The following CHRDL1 variants were observed in gnomAD, a reference collection of about 807,000 sequenced individuals.
The protein encoded by CHRDL1 is chordin-like protein 1.
CHRDL1 carries 19 observed loss-of-function variants against 40.9 expected under a neutral mutation model. That is an observed-to-expected ratio of 0.46 (90% CI 0.32 to 0.68). CHRDL1 has a LOEUF of 0.68. Ranked by LOEUF, CHRDL1 falls within the 30% of genes least tolerant of loss-of-function variation. The pLI, the probability that CHRDL1 is intolerant of heterozygous loss-of-function variation, is 0.03. For synonymous variants in CHRDL1, 136 were observed against 123.4 expected (o/e 1.10, Z -0.68); for missense variants, 329 against 352.1 (o/e 0.93, Z 0.53).
chrX:110,786,859 A>C (rs1319530369), intron 2 of CHRDL1, among the ~76,000 whole-genome samples: 1 of 112,280 alleles, frequency 8.9e-6, no homozygotes, highest in Non-Finnish European at 1.9e-5. Flanking sequence ...TTGGGTTAGA[A>C]AATTTTTATT....
intron 4 of CHRDL1, among the ~76,000 whole-genome samples, chrX:110,722,154 C>G (rs979635781): frequency 9.1e-6 from 1 of 110,257 alleles, no homozygotes; most frequent in South Asian, 4.0e-4. Context: ...CCTGCCACCA[C>G]GCCTGGCTAT....
At chrX:110,697,813 TCCACAC>T (rs2070420803) in intron 7 of CHRDL1, among the ~76,000 whole-genome samples, 9 of 31,146 alleles carry the variant, frequency 2.9e-4, no homozygotes, top group African/African-American at 7.0e-4. Flanking sequence ...ACCACACCAC[TCCACAC>T]ACACACACAC....
At chrX:110,794,920 A>C (rs1195840544) in intron 1 of CHRDL1, among the ~76,000 whole-genome samples, 7 of 112,355 alleles carry the variant, frequency 6.2e-5, no homozygotes, top group Non-Finnish European at 9.4e-5. Flanking sequence ...CTTGTCCATC[A>C]GCTGAAATCC....
At chrX:110,785,819 C>T (rs931003586) in intron 2 of CHRDL1, among the ~76,000 whole-genome samples, 1 of 111,755 alleles carries the variant, frequency 8.9e-6, no homozygotes, top group African/African-American at 3.2e-5. Flanking sequence ...AGAAAGCTTG[C>T]TTAGGGCATC....
chrX:110,786,319 T>A (rs745596639), intron 2 of CHRDL1, among the ~76,000 whole-genome samples: 1 of 112,264 alleles, frequency 8.9e-6, no homozygotes, highest in Non-Finnish European at 1.9e-5. Context: ...CTTGCCCCTA[T>A]TCTTTCATCT....
intron 4 of CHRDL1, among the ~76,000 whole-genome samples, chrX:110,730,083 G>A (rs2071129859): frequency 8.9e-6 from 1 of 112,230 alleles, no homozygotes; most frequent in African/African-American, 3.2e-5. Context: ...GGCAGACCCT[G>A]CCTCTGTATA....
intron 8 of CHRDL1, among the ~76,000 whole-genome samples, chrX:110,690,658 G>A (rs1001508687): frequency 2.7e-5 from 3 of 110,995 alleles, no homozygotes; most frequent in African/African-American, 6.6e-5. Flanking sequence ...AATGGTGTTC[G>A]GCACTGTTTG....
intron 8 of CHRDL1, among the ~76,000 whole-genome samples, chrX:110,689,097 T>A (rs868472318): frequency 2.2e-4 from 19 of 84,709 alleles, no homozygotes; most frequent in African/African-American, 8.0e-4. Flanking sequence ...TATATATATA[T>A]ATATATATAT....
intron 2 of CHRDL1, among the ~76,000 whole-genome samples, chrX:110,764,189 T>C (rs2089618278): frequency 8.9e-6 from 1 of 112,084 alleles, no homozygotes; most frequent in African/African-American, 3.2e-5. Context: ...ACTCTGTGGG[T>C]TGTTTGTTTA....
At chrX:110,749,098 T>C (rs2089308946) in intron 4 of CHRDL1, among the ~76,000 whole-genome samples, 1 of 111,450 alleles carries the variant, frequency 9.0e-6, no homozygotes, top group Admixed American at 9.5e-5. Context: ...CCACATTTCC[T>C]TGTCCTCTCC....
intron 6 of CHRDL1, among the ~76,000 whole-genome samples, chrX:110,701,001 T>A (rs1179344731): frequency 1.8e-5 from 2 of 112,217 alleles, no homozygotes; most frequent in Non-Finnish European, 3.8e-5. Flanking sequence ...TCCACCTAAT[T>A]TAACCATCAC....
intron 7 of CHRDL1, among the ~76,000 whole-genome samples, chrX:110,696,460 A>C (rs1233516272): frequency 9.1e-6 from 1 of 110,425 alleles, no homozygotes; most frequent in Non-Finnish European, 1.9e-5. Context: ...ACTCATGGTG[A>C]TAATGAAGAT....
intron 6 of CHRDL1, among the ~76,000 whole-genome samples, chrX:110,713,638 A>C (rs949651447): frequency 8.9e-6 from 1 of 112,316 alleles, no homozygotes; most frequent in African/African-American, 3.2e-5. Flanking sequence ...CCAGGTTAAA[A>C]TTCTAGCTCT....
chrX:110,776,583 G>A (rs2148525042), intron 2 of CHRDL1, among the ~76,000 whole-genome samples: 1 of 111,181 alleles, frequency 9.0e-6, no homozygotes, highest in East Asian at 2.8e-4. Flanking sequence ...AGTTGCTGAA[G>A]AGAAATTTGA....
intron 6 of CHRDL1, among the ~76,000 whole-genome samples, chrX:110,708,315 C>T (rs1163093666): frequency 1.8e-5 from 2 of 110,799 alleles, no homozygotes; most frequent in Non-Finnish European, 3.8e-5. Context: ...GATTATAAAT[C>T]ATGCTACTAT....
chrX:110,703,081 T>G (rs2070549655), intron 6 of CHRDL1, among the ~76,000 whole-genome samples: 1 of 111,884 alleles, frequency 8.9e-6, no homozygotes, highest in African/African-American at 3.2e-5. Context: ...CTTCTCAAAA[T>G]GTGCTTCCTG....
chrX:110,689,689 ATC>A (rs2070167574), intron 8 of CHRDL1, among the ~76,000 whole-genome samples: 1 of 40,698 alleles, frequency 2.5e-5, no homozygotes, highest in South Asian at 8.6e-4. Flanking sequence ...ATATCTATAT[ATC>A]TATATATCTA....
At chrX:110,725,801 T>G (rs1393908324) in intron 4 of CHRDL1, among the ~76,000 whole-genome samples, 3 of 111,914 alleles carry the variant, frequency 2.7e-5, no homozygotes, top group Non-Finnish European at 5.6e-5. Context: ...TGCCATTACT[T>G]TGGTTCCTAC....
intron 2 of CHRDL1, among the ~76,000 whole-genome samples, chrX:110,777,601 C>T (rs1173103938): frequency 9.0e-6 from 1 of 111,547 alleles, no homozygotes; most frequent in African/African-American, 3.3e-5. Context: ...TCCCTGATGA[C>T]ATATGATGTA....
Sources: gnomAD v4.1 joint callset for allele counts (sites outside exome capture counted in the v4.1 genomes callset) on GRCh38, gnomAD v4.1.1 for gene constraint, MANE v1.5 for transcripts, NCBI Gene and HGNC (gene_info 2026-07-23, HGNC 2026-07-21) for gene names.